Variants in SPECC1 observed in about 807,000 individuals in gnomAD.
The protein encoded by SPECC1 is cytospin-B.
SPECC1 carries 62 observed loss-of-function variants against 104.1 expected under a neutral mutation model. The observed-to-expected ratio is 0.60, with a 90% CI of 0.49 to 0.74. The LOEUF (loss-of-function observed/expected upper bound fraction) is 0.74, where lower values mean the gene tolerates loss of function less well. Ranked by LOEUF, SPECC1 falls within the 30% of genes least tolerant of loss-of-function variation. The pLI, the probability that SPECC1 is intolerant of heterozygous loss-of-function variation, is 0.00. For synonymous variants in SPECC1, 513 were observed against 501.6 expected (o/e 1.02, Z -0.30); for missense variants, 1,306 against 1,310.5 (o/e 1.00, Z 0.05).
At chr17:20,073,595 C>T (rs2046645667) in intron 1 of SPECC1, 1 of 152,182 alleles carries the variant, frequency 6.6e-6, no homozygotes, top group African/African-American at 2.4e-5. Context: ...CCGGCCCCCT[C>T]CGAGTGTGGT....
intron 12 of SPECC1, among the ~76,000 whole-genome samples, chr17:20,290,628 C>T (rs547794321): frequency 7.2e-5 from 11 of 152,312 alleles, no homozygotes; most frequent in Non-Finnish European, 1.6e-4. Flanking sequence ...AATTCTCCCT[C>T]TTCAGCCTCC....
At chr17:20,142,313 C>A (rs1388155622) in intron 3 of SPECC1, among the ~76,000 whole-genome samples, 1 of 152,188 alleles carries the variant, frequency 6.6e-6, no homozygotes, top group Non-Finnish European at 1.5e-5. Flanking sequence ...ATTTCCACTT[C>A]TGGTTATATA....
At chr17:20,292,354 C>T (rs142730706) in intron 12 of SPECC1, among the ~76,000 whole-genome samples, 2,028 of 151,390 alleles carry the variant, frequency 0.013, 37 homozygotes, top group African/African-American at 0.046. Flanking sequence ...GGGGGGGGGA[C>T]GGAGTTAATC....
chr17:20,271,780 G>A (rs1434201169), intron 12 of SPECC1, among the ~76,000 whole-genome samples: 1 of 134,132 alleles, frequency 7.5e-6, no homozygotes, highest in East Asian at 2.0e-4. Context: ...TTTTCCCTTT[G>A]TTTTTTTTTC....
intron 1 of SPECC1, among the ~76,000 whole-genome samples, chr17:20,096,363 C>T (rs1354765104): frequency 6.6e-6 from 1 of 152,148 alleles, no homozygotes; most frequent in East Asian, 1.9e-4. Context: ...AATGCTGTCT[C>T]AGGTCATTCT....
chr17:20,018,214 T>C (rs1185268007), intron 1 of SPECC1: 1 of 152,256 alleles, frequency 6.6e-6, no homozygotes, highest in African/African-American at 2.4e-5. Context: ...AAGCTTGTAT[T>C]GGGCTATGGT....
chr17:20,070,610 C>T (rs1161542941), intron 1 of SPECC1, among the ~76,000 whole-genome samples: 1 of 152,064 alleles, frequency 6.6e-6, no homozygotes, highest in Admixed American at 6.6e-5. Context: ...GTGGATATAC[C>T]ATAATCTAAC....
At chr17:20,269,305 G>A (rs552697888) in intron 12 of SPECC1, among the ~76,000 whole-genome samples, 2 of 152,338 alleles carry the variant, frequency 1.3e-5, no homozygotes, top group South Asian at 4.1e-4. Context: ...TCACGGTGCT[G>A]AAACTGTTTG....
At chr17:20,138,033 A>G (rs1214149221) in intron 3 of SPECC1, among the ~76,000 whole-genome samples, 1 of 151,752 alleles carries the variant, frequency 6.6e-6, no homozygotes, top group Non-Finnish European at 1.5e-5. Context: ...CAGTGGTGCA[A>G]TCATGGCTCA....
At chr17:20,114,182 T>C (rs2048635483) in intron 3 of SPECC1, among the ~76,000 whole-genome samples, 1 of 152,146 alleles carries the variant, frequency 6.6e-6, no homozygotes, top group African/African-American at 2.4e-5. Flanking sequence ...CTTACATTTT[T>C]TACTTTTTGT....
chr17:20,119,282 T>G (rs2048911028), intron 3 of SPECC1, among the ~76,000 whole-genome samples: 1 of 152,252 alleles, frequency 6.6e-6, no homozygotes, highest in South Asian at 2.1e-4. Flanking sequence ...TCGCTCTTGT[T>G]GCCCAGGCTG....
chr17:20,270,297 T>TAA (rs200501819), intron 12 of SPECC1, among the ~76,000 whole-genome samples: 10 of 150,684 alleles, frequency 6.6e-5, no homozygotes, highest in African/African-American at 2.4e-4. Context: ...TAATTTTTTT[T>TAA]AAAAAAAACA....
At chr17:20,033,847 G>A (rs145315739) in intron 1 of SPECC1, among the ~76,000 whole-genome samples, 1 of 152,290 alleles carries the variant, frequency 6.6e-6, no homozygotes, top group Non-Finnish European at 1.5e-5. Context: ...CCCTAACAGG[G>A]TTAAACCCCT....
At chr17:20,128,237 T>A (rs1162018605) in intron 3 of SPECC1, among the ~76,000 whole-genome samples, 6 of 152,204 alleles carry the variant, frequency 3.9e-5, no homozygotes, top group African/African-American at 1.4e-4. Context: ...CGTGTTGACA[T>A]CAGTGACTTT....
intron 9 of SPECC1, among the ~76,000 whole-genome samples, chr17:20,250,443 TA>T (rs2039579351): frequency 6.6e-6 from 1 of 152,260 alleles, no homozygotes. Flanking sequence ...AAAGATTTCA[TA>T]ATTATTAAAG....
In SPECC1 at chr17:20,314,747, A is replaced by G. The variant is rs991065324; in HGVS notation, c.*682A>G. 2.7e-5 allele frequency: 5 copies of G among 187,540 alleles called. No homozygotes were observed. Among genetic ancestry groups the G allele is most frequent in the African/African-American group, 1.2e-4 (5 of 40,680 alleles). The allele number at this position is 187,540 out of a possible 1,614,324, so 11.6% of individuals were successfully genotyped here. A position where few individuals can be genotyped will look rare whatever the true frequency, so the allele number is the denominator to read the frequency against. ...AAAAATAAACATTTGTTCCAGGGCA[A>G]CCTGGAAACGTGCGTGCGCACTCAG... On this transcript the variant is annotated 3_prime_UTR_variant, in exon 15 of 15. Coordinates refer to ENST00000395527, the MANE Select transcript of SPECC1 (RefSeq NM_001243439.2).
chr17:20,136,154 C>T (rs1451256112), intron 3 of SPECC1, among the ~76,000 whole-genome samples: 1 of 152,118 alleles, frequency 6.6e-6, no homozygotes, highest in Non-Finnish European at 1.5e-5. Context: ...CGGTGGCTCA[C>T]ACTTCTCACA....
rs185036716 is a variant in SPECC1, at chr17:20,318,641, C to T, written c.*4576C>T. The T allele has an allele frequency of 2.5e-4, 57 of 227,480 alleles. No individual in the cohort carries two copies. The East Asian group carries it at 2.8e-3, about 11-fold the overall frequency. The allele number at this position is 227,480 out of a possible 1,614,324, so 14.1% of individuals were successfully genotyped here. A position where few individuals can be genotyped will look rare whatever the true frequency, so the allele number is the denominator to read the frequency against. ...CTACCAAATCTAGCAATAGTTCTCA[C>T]CCTTCCAAAGCTCGAGTGCCATTTT... On this transcript the variant is annotated 3_prime_UTR_variant, in exon 15 of 15. Coordinates refer to ENST00000395527, the MANE Select transcript of SPECC1 (RefSeq NM_001243439.2).
At chr17:20,216,184 C>T (rs2037478087) in intron 4 of SPECC1, among the ~76,000 whole-genome samples, 1 of 152,154 alleles carries the variant, frequency 6.6e-6, no homozygotes, top group African/African-American at 2.4e-5. Context: ...TTGTTTACCC[C>T]TCCGAGAGAG....
Sources: gnomAD v4.1 joint callset for allele counts (sites outside exome capture counted in the v4.1 genomes callset) on GRCh38, gnomAD v4.1.1 for gene constraint, MANE v1.5 for transcripts, NCBI Gene and HGNC (gene_info 2026-07-23, HGNC 2026-07-21) for gene names.